ANKRD13D: variants seen among roughly 807,000 people sequenced by gnomAD.
The protein encoded by ANKRD13D is ankyrin repeat domain-containing protein 13D.
ANKRD13D carries 24 observed loss-of-function variants against 68.8 expected under a neutral mutation model. The ratio of observed to expected loss-of-function variants is 0.35; its 90% CI spans 0.25 to 0.49. The LOEUF (loss-of-function observed/expected upper bound fraction) is 0.49. Ranked by LOEUF, ANKRD13D falls within the 20% of genes least tolerant of loss-of-function variation. ANKRD13D has a pLI of 0.99. For synonymous variants in ANKRD13D, 331 were observed against 336.1 expected (o/e 0.98, Z 0.16); for missense variants, 735 against 832.1 (o/e 0.88, Z 1.44).
intron 6 of ANKRD13D, among the ~76,000 whole-genome samples, chr11:67,292,782 C>T (rs1281135659): frequency 6.6e-6 from 1 of 152,082 alleles, no homozygotes; most frequent in Non-Finnish European, 1.5e-5. Flanking sequence ...CAGGAAGAAA[C>T]CCCCCACCCT....
Position 67,302,435 on chromosome 11 carries a change from A to T in ANKRD13D, c.*103A>T. On this transcript the variant is annotated 3_prime_UTR_variant, in exon 15 of 15. Transcript: ENST00000511455. ...TGAGCTTGGGGCCTGGAGCCCCAGG[A>T]ATGAGCAGGCAGGGGAGACTGAGAT... 7.1e-7 allele frequency: 1 copy of T among 1,399,580 alleles called. No homozygotes were observed. Among genetic ancestry groups the T allele is most frequent in the South Asian group, 1.6e-5 (1 of 63,414 alleles). The allele number at this position is 1,399,580 out of a possible 1,614,324, so 86.7% of individuals were successfully genotyped here. A position where few individuals can be genotyped will look rare whatever the true frequency, so the allele number is the denominator to read the frequency against.
At chr11:67,296,338 A>T (rs1199721764) in intron 6 of ANKRD13D, among the ~76,000 whole-genome samples, 4 of 147,752 alleles carry the variant, frequency 2.7e-5, no homozygotes, top group African/African-American at 5.0e-5. Flanking sequence ...TTTGGGCCTG[A>T]GTGTGTGTGT....
In ANKRD13D at chr11:67,289,319, G is replaced by GCGCTGCCGCCGC. The variant is rs1554968960; in HGVS notation, c.-138_-127dup. ...GCCCGCCCCGCCCTCCCTGCCGCCC[G>GCGCTGCCGCCGC]CGCTGCCGCCGCCGCCGCCGCCGCC... is the stretch of plus-strand genomic sequence containing the variant. On this transcript the variant is annotated 5_prime_UTR_variant, in exon 1 of 15. Transcript: ENST00000511455. 1.2e-5 allele frequency: 4 copies of GCGCTGCCGCCGC among 331,528 alleles called. No homozygotes were observed. The highest frequency in any genetic ancestry group is 6.7e-5 in the Admixed American group (1 of 14,880). 20.5% of individuals were successfully genotyped at this position (331,528 alleles called of 1,614,324 possible). A position where few individuals can be genotyped will look rare whatever the true frequency, so the allele number is the denominator to read the frequency against.
intron 6 of ANKRD13D, among the ~76,000 whole-genome samples, chr11:67,292,706 C>T (rs1022501972): frequency 2.0e-5 from 3 of 151,970 alleles, no homozygotes; most frequent in Non-Finnish European, 1.5e-5. Flanking sequence ...AGTTCAATGA[C>T]TTTTAGTATA....
intron 3 of ANKRD13D, chr11:67,291,125 A>C (rs1860522516): frequency 7.1e-6 from 2 of 281,266 alleles, no homozygotes. Flanking sequence ...TCTGAGGCCA[A>C]AGTGGGCGGA....
At chr11:67,292,300 G>A (rs1344640466) in intron 6 of ANKRD13D, 120 bp downstream of exon 6, 1 of 1,197,676 alleles carries the variant, frequency 8.3e-7, no homozygotes, top group Non-Finnish European at 1.1e-6. Flanking sequence ...CTCACAAGGG[G>A]CTGCTCAGGG....
rs1860570594 is a variant in ANKRD13D, at chr11:67,291,870, T to C, written c.542-121T>C. ...AGCTGAGGTTGGGGATGGAGGGGCA[T>C]CCAGGGGCCAAGACTGACCCACTTG... On this transcript the variant is annotated intron_variant, in intron 5 of 14. Transcript: ENST00000511455. 3 of 1,513,620 alleles carry C rather than the reference T, an allele frequency of 2.0e-6. No homozygotes were observed. In the East Asian group the frequency reaches 7.1e-5, roughly 36 times the overall value. 93.8% of individuals were successfully genotyped at this position (1,513,620 alleles called of 1,614,324 possible). A position where few individuals can be genotyped will look rare whatever the true frequency, so the allele number is the denominator to read the frequency against.
At chr11:67,290,274 G>A (rs1164794757) in intron 2 of ANKRD13D, 48 bp from the exon 3 acceptor site, 1 of 1,546,760 alleles carries the variant, frequency 6.5e-7, no homozygotes, top group East Asian at 2.4e-5. Context: ...TGAGCAGCCA[G>A]GCCTGGGGTC....
At chr11:67,291,014 C>T (rs1860517506) in intron 3 of ANKRD13D, 1 of 191,402 alleles carries the variant, frequency 5.2e-6, no homozygotes. Flanking sequence ...TTGGCCCACC[C>T]TCTCCAGGGC....
intron 5 of ANKRD13D, 114 bp downstream of exon 5, chr11:67,291,860 T>C: frequency 6.6e-7 from 1 of 1,519,576 alleles, no homozygotes; most frequent in Non-Finnish European, 8.8e-7. Context: ...AGGTTGGGGA[T>C]GGAGGGGCAT....
At position 67,302,481 on chromosome 11, in the gene ANKRD13D, A is replaced by T. The variant is rs536724848; in HGVS notation, c.*149A>T. 1 of 1,249,850 alleles carries T rather than the reference A, an allele frequency of 8.0e-7. No individual in the cohort carries two copies. Among genetic ancestry groups the T allele is most frequent in the Non-Finnish European group, 1.1e-6 (1 of 938,230 alleles). 77.4% of individuals were successfully genotyped at this position (1,249,850 alleles called of 1,614,324 possible). On this transcript the variant is annotated 3_prime_UTR_variant, in exon 15 of 15. Transcript: ENST00000511455. ...GAGATGGAAATAAAGAGACTGTCGCAGCAGGGCTGCTCTGCTCACTGGGCT... is the reference window on the plus strand; with the variant it reads ...GAGATGGAAATAAAGAGACTGTCGCTGCAGGGCTGCTCTGCTCACTGGGCT...
chr11:67,290,357 A>G lies in ANKRD13D; in HGVS notation c.262A>G (p.Met88Val). 1 of 1,573,060 alleles carries G rather than the reference A, an allele frequency of 6.4e-7. No individual in the cohort carries two copies. Among genetic ancestry groups the G allele is most frequent in the Non-Finnish European group, 8.6e-7 (1 of 1,159,612 alleles). Residue 88 changes from methionine to valine, a missense_variant, in exon 3 of 15, where the codon ATG becomes GTG. Transcript: ENST00000511455. ...GGCAGTCAGCACTGGAGACCCCGAG[A>G]TGGTGCAGCTGGTGCTCCAGTATCG... ...QEAVSTGDPE[M>V]VQLVLQYRDY... is the part of the protein sequence containing the mutation.
intron 6 of ANKRD13D, among the ~76,000 whole-genome samples, chr11:67,297,282 C>T (rs1860787392): frequency 4.7e-5 from 7 of 150,046 alleles, no homozygotes. Context: ...TGATAGCTCA[C>T]TGCAACCTCC....
At chr11:67,296,338 AGTGTGT>A (rs35848734) in intron 6 of ANKRD13D, among the ~76,000 whole-genome samples, 19 of 147,656 alleles carry the variant, frequency 1.3e-4, no homozygotes, top group African/African-American at 4.5e-4. Context: ...TTTGGGCCTG[AGTGTGT>A]GTGTGTGTGT....
Position 67,291,690 on chromosome 11 carries a change from G to A in ANKRD13D, c.485G>A (p.Gly162Asp), listed in dbSNP as rs577351881. ...ESLRVDTSLL[G>D]FEHMTWQRGR... ...CTGCGAGTAGACACCAGTCTCCTGG[G>A]CTTCGAGCACATGACCTGGCAGCGG... The change falls in exon 5 of 15, where the codon GGC becomes GAC. Residue 162 changes from glycine (G) to aspartate (D), a missense_variant. Gly to Asp is a moderately conservative substitution (Grantham distance 94). Coordinates refer to ENST00000511455, the MANE Select transcript of ANKRD13D (RefSeq NM_207354.3). 3.1e-6 allele frequency: 5 copies of A among 1,614,130 alleles called. No homozygotes were observed. The Admixed American group carries it at 6.7e-5, about 22-fold the overall frequency.
At position 67,289,469 on chromosome 11, in the gene ANKRD13D, C is replaced by T. The variant is rs1860436728; in HGVS notation, c.9C>T (p.Gly3=). ...CGGCGCTGAGGCCCAGCATGGCCGG[C>T]CCGGGCCCCACCTTCCCGCTGCACC... is the stretch of plus-strand genomic sequence containing the variant. MA[G]PGPTFPLHRL... Residue 3 remains glycine (G), a synonymous_variant, in exon 1 of 15, where the codon GGC becomes GGT. Coordinates refer to ENST00000511455, the MANE Select transcript of ANKRD13D (RefSeq NM_207354.3). 2.7e-6 allele frequency: 4 copies of T among 1,501,320 alleles called. No individual in the cohort carries two copies. Among genetic ancestry groups the T allele is most frequent in the Non-Finnish European group, 3.5e-6 (4 of 1,133,054 alleles). The allele number at this position is 1,501,320 out of a possible 1,614,324, so 93.0% of individuals were successfully genotyped here.
intron 6 of ANKRD13D, 138 bp downstream of exon 6, chr11:67,292,318 G>C: frequency 9.6e-7 from 1 of 1,041,992 alleles, no homozygotes; most frequent in Non-Finnish European, 1.3e-6. Flanking sequence ...GGGGCAGGTG[G>C]GTTGCTGCAG....
intron 6 of ANKRD13D, among the ~76,000 whole-genome samples, chr11:67,292,622 T>G (rs72930762): frequency 0.023 from 3,265 of 144,628 alleles, 46 homozygotes; most frequent in Non-Finnish European, 0.037. Flanking sequence ...TGGAAACACT[T>G]AAAAAAAAAA....
chr11:67,299,631 C>A lies in ANKRD13D; in HGVS notation c.880+20C>A. ...GCAAAGGTAAACCCAGGTGCGCCTG[C>A]CTGCTGCCCGGTCACACCGTGTGGT... On this transcript the variant is annotated intron_variant, in intron 8 of 14. Coordinates refer to ENST00000511455, the MANE Select transcript of ANKRD13D (RefSeq NM_207354.3). This position sits in a 1 kb window ranked among gnomAD's most constrained non-coding sequence, Gnocchi z 6.2. 2 of 1,550,144 alleles carry A rather than the reference C, an allele frequency of 1.3e-6. No homozygotes were observed. The highest frequency in any genetic ancestry group is 1.7e-6 in the Non-Finnish European group (2 of 1,146,536).
Sources: gnomAD v4.1 joint callset for allele counts (sites outside exome capture counted in the v4.1 genomes callset) on GRCh38, gnomAD v4.1.1 for gene constraint, Gnocchi (gnomAD v3.1) non-coding constraint, MANE v1.5 for transcripts, NCBI Gene and HGNC (gene_info 2026-07-23, HGNC 2026-07-21) for gene names.